Variants in KLC4 observed in about 807,000 individuals in gnomAD.
KLC4 encodes the protein kinesin light chain 4.
Under a neutral mutation model 77.2 loss-of-function variants are expected in KLC4, and 49 were observed. That is an observed-to-expected ratio of 0.63 (90% CI 0.50 to 0.80). The LOEUF (loss-of-function observed/expected upper bound fraction) is 0.80. Among genes scored for constraint, KLC4 ranks in the 30% least tolerant of loss-of-function variants. The probability of loss-of-function intolerance (pLI) is 0.00; values close to 1 mark genes in which losing one functional copy is unlikely to be tolerated. For missense variants in KLC4, 669 were observed against 793.5 expected, an observed-to-expected ratio of 0.84 and a Z score of 1.89; for synonymous variants, 274 against 314.5, an observed-to-expected ratio of 0.87 and a Z score of 1.36.
chr6:43,071,803 T>C (rs774221494), intron 10 of KLC4, 49 bp from the exon 11 acceptor site: 2 of 1,584,578 alleles, frequency 1.3e-6, no homozygotes, highest in Non-Finnish European at 1.7e-6. Flanking sequence ...TCTGTATTCT[T>C]ATATTTGGCT....
Position 43,073,240 on chromosome 6 carries a change from G to A in KLC4, c.1647G>A (p.Leu549=), listed in dbSNP as rs1207618227. ...VEWSGDGSGT[L]QRSGSLGKIR... ...TCTGCCAGGATGGCAGTGGGACCCT[G>A]CAGAGGAGTGGCTCTCTTGGCAAGA... is the stretch of plus-strand genomic sequence containing the variant. The change falls in exon 14 of 16, where the codon CTG becomes CTA. Residue 549 remains leucine, a synonymous_variant. Transcript: ENST00000347162. 6 of 1,614,068 alleles carry A rather than the reference G, an allele frequency of 3.7e-6. No homozygotes were observed. The highest frequency in any genetic ancestry group is 8.5e-7 in the Non-Finnish European group (1 of 1,179,930).
chr6:43,061,169 C>T (rs1765133959), intron 1 of KLC4, 142 bp from the exon 2 acceptor site: 3 of 827,794 alleles, frequency 3.6e-6, no homozygotes, highest in East Asian at 2.5e-5. Flanking sequence ...TCCCTGCCTG[C>T]TGGTCACTCT....
At chr6:43,061,175 ACTCT>A (rs1765134772) in intron 1 of KLC4, 132 bp from the exon 2 acceptor site, 9 of 873,138 alleles carry the variant, frequency 1.0e-5, no homozygotes, top group Non-Finnish European at 1.2e-5. Flanking sequence ...CCTGCTGGTC[ACTCT>A]CTCTCTCCAG....
chr6:43,060,653 G>A, intron 1 of KLC4: 1 of 1,099,204 alleles, frequency 9.1e-7, no homozygotes. Context: ...GAGGAAGTGG[G>A]AACACAGTCT....
In KLC4 at chr6:43,074,707, C is replaced by T. The variant is rs761605745; in HGVS notation, c.*35C>T. 12 of 1,575,994 alleles carry T rather than the reference C, an allele frequency of 7.6e-6. No individual in the cohort carries two copies. In the African/African-American group the frequency reaches 1.2e-4, roughly 16 times the overall value. ...CGGCCCCCAGGTCTGCTGGGTCCCCCCACCCCCACAGCCCTCACAGCATTC... is the reference window on the plus strand; with the variant it reads ...CGGCCCCCAGGTCTGCTGGGTCCCCTCACCCCCACAGCCCTCACAGCATTC... On this transcript the variant is annotated 3_prime_UTR_variant, in exon 16 of 16. Coordinates refer to ENST00000347162, the MANE Select transcript of KLC4 (RefSeq NM_201521.3).
At chr6:43,071,461 G>A (rs1765719233) in intron 9 of KLC4, 87 bp downstream of exon 9, 1 of 1,538,486 alleles carries the variant, frequency 6.5e-7, no homozygotes, top group Admixed American at 1.7e-5. Flanking sequence ...GCGGTTCCCA[G>A]GGGGAGCCAG....
chr6:43,066,474 G>A lies in KLC4; in HGVS notation c.740G>A (p.Arg247His), dbSNP rs139131045. 3.6e-5 allele frequency: 58 copies of A among 1,614,060 alleles called. No homozygotes were observed. In the Admixed American group the frequency reaches 3.7e-4, roughly 10 times the overall value. The stretch of plus-strand genomic sequence containing the variant: ...GAGGACCTGGAGCGCACATCAGGCC[G>A]TGGCCACCCTGATGTCGCCACCATG... ...ALEDLERTSGRGHPDVATMLN... is the reference protein window; with the variant it reads ...ALEDLERTSGHGHPDVATMLN... Residue 247 changes from arginine (R) to histidine (H), a missense_variant, in exon 5 of 16, where the codon CGT becomes CAT. By Grantham distance (29) the Arg-to-His change is conservative. Coordinates refer to ENST00000347162, the MANE Select transcript of KLC4 (RefSeq NM_201521.3).
chr6:43,061,161 C>T lies in KLC4; in HGVS notation c.-25-150C>T, dbSNP rs747646582. ...GCTTTGAGTTTAGTGATCTAAGCTCCCTGCCTGCTGGTCACTCTCTCTCTC... is the reference window on the plus strand; with the variant it reads ...GCTTTGAGTTTAGTGATCTAAGCTCTCTGCCTGCTGGTCACTCTCTCTCTC... On this transcript the variant is annotated intron_variant, in intron 1 of 15. Coordinates refer to ENST00000347162, the MANE Select transcript of KLC4 (RefSeq NM_201521.3). The T allele has an allele frequency of 5.4e-4, 415 of 774,130 alleles. 1 individual carries two copies. Among genetic ancestry groups the T allele is most frequent in the Non-Finnish European group, 3.8e-4 (184 of 478,044 alleles). The allele number at this position is 774,130 out of a possible 1,614,324, so 48.0% of individuals were successfully genotyped here.
intron 3 of KLC4, among the ~76,000 whole-genome samples, chr6:43,064,225 G>A (rs565573434): frequency 3.3e-4 from 51 of 152,344 alleles, no homozygotes; most frequent in Admixed American, 3.3e-3. Context: ...AGCAGCAAGT[G>A]CTCAGTGCTG....
intron 6 of KLC4, among the ~76,000 whole-genome samples, chr6:43,069,913 G>A (rs954125757): frequency 2.8e-4 from 43 of 152,184 alleles, no homozygotes; most frequent in African/African-American, 8.9e-4. Context: ...ATGATAGGCA[G>A]GGATGATGTA....
At chr6:43,072,021 C>T in intron 11 of KLC4, 99 bp downstream of exon 11, 1 of 1,413,560 alleles carries the variant, frequency 7.1e-7, no homozygotes, top group African/African-American at 1.4e-5. Flanking sequence ...GTAGACTTTC[C>T]CTCAGCTTTA....
At chr6:43,065,829 AG>A in intron 4 of KLC4, 128 bp downstream of exon 4, 1 of 663,618 alleles carries the variant, frequency 1.5e-6, no homozygotes, top group Non-Finnish European at 2.6e-6. Context: ...GAGACAGGGC[AG>A]GGGCTGGGCT....
chr6:43,061,552 C>A lies in KLC4; in HGVS notation c.217C>A (p.Arg73Ser), dbSNP rs766075310. The A allele has an allele frequency of 1.9e-6, 3 of 1,613,628 alleles. No individual in the cohort carries two copies. The Admixed American group carries it at 5.0e-5, about 27-fold the overall frequency. The part of the protein sequence containing the change: ...LVHEKARQLR[R>S]SMENIELGLS... Reference sequence around the variant, plus strand: ...GCATGAGAAGGCCCGGCAGCTTCGCCGTTCTATGGAAAACATTGAGCTCGG... The same window carrying A: ...GCATGAGAAGGCCCGGCAGCTTCGCAGTTCTATGGAAAACATTGAGCTCGG... The change falls in exon 2 of 16, where the codon CGT becomes AGT. Residue 73 changes from arginine (R) to serine (S), a missense_variant. By Grantham distance (110) the Arg-to-Ser change is moderately radical. Coordinates refer to ENST00000347162, the MANE Select transcript of KLC4 (RefSeq NM_201521.3).
chr6:43,070,895 GAAACGGAGA>G, intron 8 of KLC4, 30 bp downstream of exon 8: 1 of 545,988 alleles, frequency 1.8e-6, no homozygotes, highest in Admixed American at 2.8e-5. Context: ...GTAGGTGGAA[GAAACGGAGA>G]GGGGGGCACA....
chr6:43,059,753 A>G (rs747481808), intron 1 of KLC4, 68 bp downstream of exon 1: 9 of 1,212,038 alleles, frequency 7.4e-6, no homozygotes, highest in African/African-American at 1.6e-5. Flanking sequence ...TCGCACTACC[A>G]GAAAGATGAA....
chr6:43,069,646 G>C (rs1433482355), intron 6 of KLC4, among the ~76,000 whole-genome samples: 1 of 152,032 alleles, frequency 6.6e-6, no homozygotes, highest in Non-Finnish European at 1.5e-5. Flanking sequence ...CACCTCCCGG[G>C]TTCAAGCAAT....
intron 6 of KLC4, 115 bp from the exon 7 acceptor site, chr6:43,070,239 T>G: frequency 3.0e-6 from 2 of 668,726 alleles, no homozygotes; most frequent in Non-Finnish European, 2.6e-6. Flanking sequence ...GTAGTAGACT[T>G]TGTCTCTTAG....
chr6:43,070,755 A>C lies in KLC4; in HGVS notation c.1045A>C (p.Asn349His), dbSNP rs1453049705. 6.8e-6 allele frequency: 11 copies of C among 1,614,148 alleles called. No homozygotes were observed. The highest frequency in any genetic ancestry group is 1.7e-5 in the Admixed American group (1 of 60,016). The stretch of plus-strand genomic sequence containing the variant: ...GAACAACCTGGCCCTCTTGTGCCAA[A>C]ACCAGGGCAAGTATGAGGCCGTGGA... ...QLNNLALLCQ[N>H]QGKYEAVERY... is the part of the protein sequence containing the mutation. The change falls in exon 8 of 16, where the codon AAC (asparagine) becomes CAC (histidine). Residue 349 changes from asparagine (N) to histidine (H), a missense_variant. By Grantham distance (68) the Asn-to-His change is moderately conservative (BLOSUM62 1). Transcript: ENST00000347162.
At chr6:43,061,909 A>C (rs1765184540) in intron 2 of KLC4, among the ~76,000 whole-genome samples, 1 of 152,214 alleles carries the variant, frequency 6.6e-6, no homozygotes, top group African/African-American at 2.4e-5. Flanking sequence ...AAAGCAGGGA[A>C]GGAAACTAGG....
Sources: gnomAD v4.1 joint callset for allele counts (sites outside exome capture counted in the v4.1 genomes callset) on GRCh38, gnomAD v4.1.1 for gene constraint, MANE v1.5 for transcripts, NCBI Gene and HGNC (gene_info 2026-07-23, HGNC 2026-07-21) for gene names.